The following PRMT8 variants were observed in gnomAD, a reference collection of about 807,000 sequenced individuals.
The protein encoded by PRMT8 is protein arginine N-methyltransferase 8.
Under a neutral mutation model 47.1 loss-of-function variants are expected in PRMT8, and 7 were observed. That is an observed-to-expected ratio of 0.15 (90% CI 0.08 to 0.28). The LOEUF is 0.28. PRMT8 is among the 10% of genes least tolerant of loss of function. PRMT8 has a pLI of 1.00. For synonymous variants in PRMT8, 188 were observed against 186.5 expected, an observed-to-expected ratio of 1.01 and a Z score of -0.07; for missense variants, 237 against 505.4, an observed-to-expected ratio of 0.47 and a Z score of 5.09.
At chr12:3,452,404 G>A (rs1864929004) in intron 1 of PRMT8, among the ~76,000 whole-genome samples, 1 of 152,114 alleles carries the variant, frequency 6.6e-6, no homozygotes, top group South Asian at 2.1e-4. Context: ...AACTTTAGAA[G>A]TCTTCAATGG....
chr12:3,587,433 GTAA>G (rs1398608429), intron 8 of PRMT8, among the ~76,000 whole-genome samples: 1 of 151,614 alleles, frequency 6.6e-6, no homozygotes, highest in Non-Finnish European at 1.5e-5. Flanking sequence ...GAAAGACATG[GTAA>G]TAACTGTAAT....
Position 3,496,214 on chromosome 12 carries a change from ATTTTTTTTTT to A in PRMT8, c.75+4531_75+4540del, listed in dbSNP as rs1555085718. On this transcript the variant is annotated intron_variant, in intron 1 of 9. Transcript: ENST00000382622. ...TTTGGAAACTGATATATATATATAT[ATTTTTTTTTT>A]TTTTTTTTTTTTTTTTGAATGTTCT... is the stretch of plus-strand genomic sequence containing the variant. 2.9e-4 allele frequency among the ~76,000 whole-genome samples: 8 copies of A among 27,776 alleles called. No individual in the cohort carries two copies. In the East Asian group the frequency reaches 0.014, roughly 48 times the overall value. The allele number at this position is 27,776 out of a possible 152,430, so 18.2% of individuals were successfully genotyped here.
intron 1 of PRMT8, among the ~76,000 whole-genome samples, chr12:3,392,024 G>A (rs1256262624): frequency 1.3e-5 from 2 of 152,114 alleles, no homozygotes; most frequent in African/African-American, 4.8e-5. Context: ...GCAAAGGGTT[G>A]GAGGCATGAA....
chr12:3,426,473 G>C (rs968168512), intron 1 of PRMT8, among the ~76,000 whole-genome samples: 3 of 152,130 alleles, frequency 2.0e-5, no homozygotes, highest in Admixed American at 6.6e-5. Flanking sequence ...GGTTGATATC[G>C]AGGTCTTTAT....
intron 1 of PRMT8, among the ~76,000 whole-genome samples, chr12:3,434,818 T>C (rs1864719583): frequency 6.6e-6 from 1 of 151,168 alleles, no homozygotes; most frequent in Non-Finnish European, 1.5e-5. Flanking sequence ...GAGGCTGCAA[T>C]GAAAAGGCAA....
At chr12:3,397,377 T>A (rs375937365) in intron 1 of PRMT8, among the ~76,000 whole-genome samples, 129 of 151,184 alleles carry the variant, frequency 8.5e-4, no homozygotes, top group Middle Eastern at 3.4e-3. Flanking sequence ...GGTGATGTAC[T>A]GATGGGTTTT....
At chr12:3,391,849 A>T (rs1864195815) in intron 1 of PRMT8, among the ~76,000 whole-genome samples, 1 of 152,198 alleles carries the variant, frequency 6.6e-6, no homozygotes, top group African/African-American at 2.4e-5. Context: ...AACCAACTGA[A>T]CTAGGGTGCA....
Position 3,394,321 on chromosome 12 carries a change from C to T in PRMT8, c.48+12879C>T, listed in dbSNP as rs541961088. Reference sequence around the variant, plus strand: ...AAAGGGAATGCTTCCAGTTTTTGCCCACTCAGTATGATATTGGCTGTGGGT... The same window carrying T: ...AAAGGGAATGCTTCCAGTTTTTGCCTACTCAGTATGATATTGGCTGTGGGT... On this transcript the variant is annotated intron_variant, in intron 1 of 9. Coordinates refer to the PRMT8 transcript ENST00000452611. Among the ~76,000 whole-genome samples the T allele has an allele frequency of 9.9e-5, 15 of 152,274 alleles. No individual in the cohort carries two copies. The East Asian group carries it at 2.1e-3, about 22-fold the overall frequency.
chr12:3,429,034 C>G (rs142283585), intron 1 of PRMT8, among the ~76,000 whole-genome samples: 1 of 152,268 alleles, frequency 6.6e-6, no homozygotes, highest in African/African-American at 2.4e-5. Flanking sequence ...CTCTCTATCT[C>G]TCTTTCCTTG....
intron 1 of PRMT8, among the ~76,000 whole-genome samples, chr12:3,397,252 G>T (rs1170276075): frequency 2.6e-5 from 4 of 151,954 alleles, no homozygotes; most frequent in Non-Finnish European, 4.4e-5. Context: ...CATTGCTGGT[G>T]AGGAACTGCG....
intron 1 of PRMT8, among the ~76,000 whole-genome samples, chr12:3,422,610 G>A (rs962879694): frequency 2.6e-4 from 40 of 152,128 alleles, no homozygotes; most frequent in Admixed American, 2.0e-4. Flanking sequence ...TAATCAGGAC[G>A]GAACAGAACA....
intron 4 of PRMT8, among the ~76,000 whole-genome samples, chr12:3,561,035 C>G (rs1429984524): frequency 1.3e-5 from 2 of 152,200 alleles, no homozygotes; most frequent in African/African-American, 4.8e-5. Context: ...TATATAAGTG[C>G]TCTGACAGTA....
At chr12:3,562,194 CA>C (rs1031005660) in intron 4 of PRMT8, among the ~76,000 whole-genome samples, 6 of 151,994 alleles carry the variant, frequency 3.9e-5, no homozygotes, top group Non-Finnish European at 8.8e-5. Context: ...ATAACCATAT[CA>C]AAAAAAGAAA....
At chr12:3,483,625 GC>G (rs1591564229) in intron 1 of PRMT8, among the ~76,000 whole-genome samples, 2 of 152,164 alleles carry the variant, frequency 1.3e-5, no homozygotes. Context: ...CAGCAACCTG[GC>G]CCCCTGCTTT....
chr12:3,387,473 T>C (rs749593211), intron 1 of PRMT8, among the ~76,000 whole-genome samples: 1 of 152,206 alleles, frequency 6.6e-6, no homozygotes. Context: ...GCTTTGTAGA[T>C]GGGAAAACTA....
chr12:3,448,330 G>T (rs1294304472), intron 1 of PRMT8, among the ~76,000 whole-genome samples: 1 of 152,182 alleles, frequency 6.6e-6, no homozygotes, highest in Non-Finnish European at 1.5e-5. Flanking sequence ...AAGAATCATT[G>T]AGGGCACCAA....
intron 2 of PRMT8, among the ~76,000 whole-genome samples, chr12:3,548,963 A>G (rs1422400591): frequency 6.6e-6 from 1 of 152,234 alleles, no homozygotes; most frequent in Non-Finnish European, 1.5e-5. Flanking sequence ...AGGGAATACC[A>G]TACAACAACA....
intron 1 of PRMT8, among the ~76,000 whole-genome samples, chr12:3,480,670 T>C (rs1243499144): frequency 6.6e-6 from 1 of 152,108 alleles, no homozygotes; most frequent in African/African-American, 2.4e-5. Flanking sequence ...CGCTTTCTTA[T>C]AGCTTCATGC....
chr12:3,593,222 T>A lies in PRMT8; in HGVS notation c.*40T>A. On this transcript the variant is annotated 3_prime_UTR_variant, in exon 10 of 10. Transcript: ENST00000382622. This position sits in a 1 kb window ranked among gnomAD's most constrained non-coding sequence, Gnocchi z 4.8. ...TGCAGAGAGCAACGAGAAAAGGAACTCTCACCTCGATCTGCCGTGCCGTCC... is the reference window on the plus strand; with the variant it reads ...TGCAGAGAGCAACGAGAAAAGGAACACTCACCTCGATCTGCCGTGCCGTCC... 2 of 1,532,634 alleles carry A rather than the reference T, an allele frequency of 1.3e-6. No individual in the cohort carries two copies. The highest frequency in any genetic ancestry group is 1.8e-6 in the Non-Finnish European group (2 of 1,109,886). 94.9% of individuals were successfully genotyped at this position (1,532,634 alleles called of 1,614,324 possible).
Sources: allele counts gnomAD v4.1 joint callset (sites outside exome capture counted in the v4.1 genomes callset), GRCh38; gene constraint gnomAD v4.1.1; non-coding constraint Gnocchi (gnomAD v3.1); transcripts MANE v1.5; gene names NCBI Gene and HGNC (gene_info 2026-07-23, HGNC 2026-07-21).